NREP: variants seen among roughly 807,000 people sequenced by gnomAD.
NREP encodes neuronal regeneration related protein.
A neutral mutation model predicts 8.6 loss-of-function variants in NREP; 5 were observed. The ratio of observed to expected loss-of-function variants is 0.58; its 90% CI spans 0.30 to 1.22. NREP has a LOEUF of 1.22. Among genes scored for constraint, NREP ranks in the 50% most tolerant of loss-of-function variants. NREP has a pLI of 0.07. For synonymous variants in NREP, 27 were observed against 28.0 expected, an observed-to-expected ratio of 0.96 and a Z score of 0.11; for missense variants, 86 against 82.5, an observed-to-expected ratio of 1.04 and a Z score of -0.17.
intron 2 of NREP, among the ~76,000 whole-genome samples, chr5:111,776,082 C>G (rs1054494618): frequency 2.6e-5 from 4 of 152,156 alleles, no homozygotes; most frequent in African/African-American, 9.7e-5. Context: ...TGAATAGCCT[C>G]AAACCCTGCC....
At chr5:111,823,352 C>T (rs1752551720) in intron 2 of NREP, among the ~76,000 whole-genome samples, 1 of 152,198 alleles carries the variant, frequency 6.6e-6, no homozygotes, top group South Asian at 2.1e-4. Context: ...AACCAAACTA[C>T]AGCACCATAC....
At chr5:111,771,119 T>C (rs1324336948) in intron 2 of NREP, among the ~76,000 whole-genome samples, 1 of 152,176 alleles carries the variant, frequency 6.6e-6, no homozygotes, top group East Asian at 1.9e-4. Flanking sequence ...GCATTGATAC[T>C]TTATTTAGAA....
intron 2 of NREP, among the ~76,000 whole-genome samples, chr5:111,887,018 G>C (rs879628528): frequency 7.3e-5 from 11 of 151,618 alleles, no homozygotes; most frequent in Non-Finnish European, 1.3e-4. Flanking sequence ...AAACATCCCA[G>C]GCTCAAGTGA....
At chr5:111,886,496 C>T (rs1754252436) in intron 2 of NREP, among the ~76,000 whole-genome samples, 1 of 152,038 alleles carries the variant, frequency 6.6e-6, no homozygotes, top group Non-Finnish European at 1.5e-5. Flanking sequence ...GACTATAAAT[C>T]ATGCTGCTAT....
At chr5:111,975,157 C>G in intron 2 of NREP, 1 of 691,256 alleles carries the variant, frequency 1.4e-6, no homozygotes, top group Non-Finnish European at 2.5e-6. Context: ...AAGGCTTTCA[C>G]GGGGCAATGG....
At chr5:111,933,451 A>G (rs712660) in intron 2 of NREP, among the ~76,000 whole-genome samples, 80,180 of 151,944 alleles carry the variant, frequency 0.53, 22,069 homozygotes, top group African/African-American at 0.67. Context: ...GGATTCTAAT[A>G]CTATAACAAT....
chr5:111,939,961 G>A (rs539967844), intron 2 of NREP: 1 of 152,144 alleles, frequency 6.6e-6, no homozygotes, highest in African/African-American at 2.4e-5. Context: ...CAGGCTTATA[G>A]GAATCTGACT....
intron 2 of NREP, among the ~76,000 whole-genome samples, chr5:111,905,682 A>G (rs1305013362): frequency 6.6e-6 from 1 of 152,092 alleles, no homozygotes; most frequent in Non-Finnish European, 1.5e-5. Flanking sequence ...TGCTGTTGGT[A>G]AAAAAACCAA....
chr5:111,936,657 G>T (rs190570789), intron 2 of NREP, among the ~76,000 whole-genome samples: 1 of 152,020 alleles, frequency 6.6e-6, no homozygotes, highest in African/African-American at 2.4e-5. Context: ...CCTGTACAAA[G>T]GCTGTCGCTA....
At chr5:111,824,511 T>G (rs1391688727) in intron 2 of NREP, among the ~76,000 whole-genome samples, 2 of 152,206 alleles carry the variant, frequency 1.3e-5, no homozygotes, top group Non-Finnish European at 2.9e-5. Flanking sequence ...AGCATTGGGA[T>G]GGAAACACAG....
chr5:111,920,468 G>A (rs1406340011), intron 2 of NREP, among the ~76,000 whole-genome samples: 1 of 152,060 alleles, frequency 6.6e-6, no homozygotes, highest in Non-Finnish European at 1.5e-5. Context: ...ATTGTCTGAG[G>A]TGTCAGCCGA....
At chr5:111,740,130 G>C (rs1265304284) in intron 2 of NREP, among the ~76,000 whole-genome samples, 2 of 151,906 alleles carry the variant, frequency 1.3e-5, no homozygotes, top group African/African-American at 4.8e-5. Flanking sequence ...TGAATATATT[G>C]GTTAATGCAT....
chr5:111,881,701 G>A (rs557040897), intron 2 of NREP, among the ~76,000 whole-genome samples: 4 of 152,186 alleles, frequency 2.6e-5, no homozygotes, highest in African/African-American at 4.8e-5. Context: ...AGCCACCTCT[G>A]CAGATACCCC....
chr5:111,901,623 T>C (rs1016206145), intron 2 of NREP, among the ~76,000 whole-genome samples: 10 of 152,142 alleles, frequency 6.6e-5, no homozygotes, highest in African/African-American at 1.9e-4. Flanking sequence ...AGTTTTACGA[T>C]GCAAAATCAA....
rs760757170 is a variant in NREP, at chr5:111,884,420, T to C, written c.135+90854A>G. ...ACAAGGAGGAACTGGTACCATTCCT[T>C]CTGAAACTATTCCAATCAATAGAAA... On this transcript the variant is annotated intron_variant, in intron 2 of 3. Coordinates refer to the NREP transcript ENST00000395634. Among the ~76,000 whole-genome samples the C allele has an allele frequency of 1.3e-3, 199 of 152,026 alleles. 1 individual carries two copies. Among genetic ancestry groups the C allele is most frequent in the Admixed American group, 2.9e-3 (45 of 15,284 alleles).
chr5:111,932,117 CAAAA>C (rs57518070), intron 2 of NREP, among the ~76,000 whole-genome samples: 5 of 115,592 alleles, frequency 4.3e-5, no homozygotes, highest in Non-Finnish European at 5.7e-5. Context: ...AGACTTTTTG[CAAAA>C]AAAAAAAAAA....
intron 2 of NREP, among the ~76,000 whole-genome samples, chr5:111,885,214 T>A (rs1295553607): frequency 6.6e-6 from 1 of 151,258 alleles, no homozygotes. Context: ...ATGAGTGAAC[T>A]CCCATTCACA....
At chr5:111,971,161 G>A (rs1756806052) in intron 2 of NREP, among the ~76,000 whole-genome samples, 1 of 152,156 alleles carries the variant, frequency 6.6e-6, no homozygotes, top group South Asian at 2.1e-4. Flanking sequence ...TATGAGGAGA[G>A]ATGTACACTG....
chr5:111,872,986 G>A (rs919598512), intron 2 of NREP, among the ~76,000 whole-genome samples: 2 of 152,216 alleles, frequency 1.3e-5, no homozygotes, highest in Non-Finnish European at 2.9e-5. Flanking sequence ...CAGGGATAAG[G>A]CATTCCCATT....
Sources: gnomAD v4.1 joint callset for allele counts (sites outside exome capture counted in the v4.1 genomes callset) on GRCh38, gnomAD v4.1.1 for gene constraint, MANE v1.5 for transcripts, NCBI Gene and HGNC (gene_info 2026-07-23, HGNC 2026-07-21) for gene names.